TAFA1: variants seen among roughly 807,000 people sequenced by gnomAD.
The protein encoded by TAFA1 is TAFA chemokine like family member 1.
Under a neutral mutation model 18.5 loss-of-function variants are expected in TAFA1, and 4 were observed. The observed-to-expected ratio is 0.22, with a 90% CI of 0.11 to 0.49. The LOEUF (loss-of-function observed/expected upper bound fraction) is 0.49, where lower values mean the gene tolerates loss of function less well. Ranked by LOEUF, TAFA1 falls within the 20% of genes least tolerant of loss-of-function variation. The probability of loss-of-function intolerance (pLI) is 0.98; values close to 1 mark genes in which losing one functional copy is unlikely to be tolerated. For missense variants in TAFA1, 147 were observed against 169.0 expected (o/e 0.87, Z 0.72); for synonymous variants, 56 against 55.2 (o/e 1.01, Z -0.06).
Position 68,544,733 on chromosome 3 carries a change from A to C in TAFA1, c.*230A>C, listed in dbSNP as rs1414395892. On this transcript the variant is annotated 3_prime_UTR_variant, in exon 5 of 5. Transcript: ENST00000478136. ...GCTTAAAAAAGGGTTTTCTCAGTGA[A>C]ATTTTTGGGCATCATGAAGAACGAT... 4.7e-6 allele frequency: 2 copies of C among 421,790 alleles called. No individual in the cohort carries two copies. The highest frequency in any genetic ancestry group is 2.0e-5 in the African/African-American group (1 of 48,956). The allele number at this position is 421,790 out of a possible 1,614,324, so 26.1% of individuals were successfully genotyped here. A position where few individuals can be genotyped will look rare whatever the true frequency, so the allele number is the denominator to read the frequency against.
the TAFA1 span, among the ~76,000 whole-genome samples, chr3:67,996,194 A>G: frequency 6.6e-6 from 1 of 152,192 alleles, no homozygotes; most frequent in Non-Finnish European, 1.5e-5. Context: ...ATGACTGCCC[A>G]AATGAATTAG....
At chr3:67,994,823 C>A in the TAFA1 span, among the ~76,000 whole-genome samples, 1 of 152,090 alleles carries the variant, frequency 6.6e-6, no homozygotes, top group African/African-American at 2.4e-5. Flanking sequence ...ATGACTTTGG[C>A]CCAAACTGAC....
intron 2 of TAFA1, among the ~76,000 whole-genome samples, chr3:68,096,973 A>T (rs1382340359): frequency 1.3e-5 from 2 of 152,122 alleles, no homozygotes; most frequent in Non-Finnish European, 2.9e-5. Context: ...AGCAGGTAAA[A>T]TGGTATCTGG....
intron 2 of TAFA1, among the ~76,000 whole-genome samples, chr3:68,387,943 A>T (rs72628609): frequency 1.3e-5 from 2 of 152,166 alleles, no homozygotes; most frequent in Non-Finnish European, 2.9e-5. Flanking sequence ...TATATCATTA[A>T]AACTAATTCC....
chr3:68,367,961 G>A (rs901580501), intron 2 of TAFA1, among the ~76,000 whole-genome samples: 4 of 152,098 alleles, frequency 2.6e-5, no homozygotes, highest in Non-Finnish European at 5.9e-5. Flanking sequence ...ATCTAGTGGT[G>A]AAACAAATTA....
At chr3:68,370,402 ATACACATATATATG>A (rs1192024543) in intron 2 of TAFA1, among the ~76,000 whole-genome samples, 52 of 101,428 alleles carry the variant, frequency 5.1e-4, no homozygotes, top group African/African-American at 1.9e-3. Flanking sequence ...ACACATATAT[ATACACATATATATG>A]TACACACACA....
chr3:68,001,214 C>T (rs188870723), upstream of TAFA1, among the ~76,000 whole-genome samples: 6 of 152,188 alleles, frequency 3.9e-5, no homozygotes, highest in East Asian at 1.9e-4. Flanking sequence ...AAATGAGAAG[C>T]GTAAGAACAA....
chr3:68,502,576 A>G (rs1181456484), intron 3 of TAFA1, among the ~76,000 whole-genome samples: 1 of 152,100 alleles, frequency 6.6e-6, no homozygotes, highest in East Asian at 1.9e-4. Flanking sequence ...AATACTACCA[A>G]TATAGCAGAT....
intron 2 of TAFA1, among the ~76,000 whole-genome samples, chr3:68,374,811 C>T (rs262201): frequency 0.58 from 87,415 of 151,988 alleles, 25,831 homozygotes; most frequent in East Asian, 0.91. Context: ...CTGCTAAGAA[C>T]TCCAGCTCAG....
At chr3:68,480,000 C>A (rs1304709362) in intron 3 of TAFA1, among the ~76,000 whole-genome samples, 1 of 152,130 alleles carries the variant, frequency 6.6e-6, no homozygotes, top group African/African-American at 2.4e-5. Flanking sequence ...TGGATTCTCT[C>A]ATTTGCATAA....
chr3:68,299,513 C>A (rs575038391), intron 2 of TAFA1, among the ~76,000 whole-genome samples: 1 of 152,294 alleles, frequency 6.6e-6, no homozygotes, highest in South Asian at 2.1e-4. Flanking sequence ...AAATTTGCAA[C>A]CTGACAATGC....
chr3:68,431,383 G>A lies in TAFA1; in HGVS notation c.259+13963G>A, dbSNP rs548495777. Among the ~76,000 whole-genome samples, 15 of 152,110 alleles carry A rather than the reference G, an allele frequency of 9.9e-5. No homozygotes were observed. The East Asian group carries it at 2.9e-3, about 29-fold the overall frequency. The stretch of plus-strand genomic sequence containing the variant: ...AAGAATTATAACAACTACAGGGACT[G>A]AGCGTTGTTGAGGACTGACACTGTG... On this transcript the variant is annotated intron_variant, in intron 3 of 4. Transcript: ENST00000478136.
chr3:68,415,329 T>G, intron 2 of TAFA1, among the ~76,000 whole-genome samples: 1 of 152,244 alleles, frequency 6.6e-6, no homozygotes, highest in East Asian at 1.9e-4. Flanking sequence ...CCAGTCAAGC[T>G]TACAGTTTGG....
intron 2 of TAFA1, among the ~76,000 whole-genome samples, chr3:68,261,379 T>A (rs1472796270): frequency 1.3e-5 from 2 of 152,100 alleles, no homozygotes; most frequent in Admixed American, 6.5e-5. Context: ...GATCTAGAAC[T>A]AGAAATACCA....
intron 3 of TAFA1, among the ~76,000 whole-genome samples, chr3:68,440,306 T>C (rs893204298): frequency 2.0e-5 from 3 of 152,180 alleles, no homozygotes; most frequent in Non-Finnish European, 2.9e-5. Context: ...GAACTGTAAG[T>C]CCATTAAACC....
At chr3:68,358,134 A>T (rs2069399276) in intron 2 of TAFA1, among the ~76,000 whole-genome samples, 1 of 151,976 alleles carries the variant, frequency 6.6e-6, no homozygotes. Flanking sequence ...TTCTGCTCCC[A>T]GAATTACTGA....
At chr3:68,380,354 C>A (rs1575818782) in intron 2 of TAFA1, among the ~76,000 whole-genome samples, 1 of 152,202 alleles carries the variant, frequency 6.6e-6, no homozygotes, top group African/African-American at 2.4e-5. Context: ...CCGACTTCCA[C>A]AATGGTTGAA....
At chr3:67,999,862 C>T (rs182950599), upstream of TAFA1, among the ~76,000 whole-genome samples, 67 of 151,176 alleles carry the variant, frequency 4.4e-4, no homozygotes, top group African/African-American at 1.5e-3. Context: ...GATCTCGGCT[C>T]ACTGCAACCT....
At chr3:68,281,602 C>T (rs545951341) in intron 2 of TAFA1, among the ~76,000 whole-genome samples, 5 of 150,926 alleles carry the variant, frequency 3.3e-5, no homozygotes, top group South Asian at 2.1e-4. Context: ...CCTGAGTAGT[C>T]GGGACTGCAG....
Sources: gnomAD v4.1 joint callset for allele counts (sites outside exome capture counted in the v4.1 genomes callset) on GRCh38, gnomAD v4.1.1 for gene constraint, MANE v1.5 for transcripts, NCBI Gene and HGNC (gene_info 2026-07-23, HGNC 2026-07-21) for gene names.